The following BEND7 variants were observed in gnomAD, a reference collection of about 807,000 sequenced individuals.
BEND7 encodes BEN domain containing 7.
BEND7 carries 28 observed loss-of-function variants against 50.9 expected under a neutral mutation model. The observed-to-expected ratio is 0.55, with a 90% CI of 0.41 to 0.75. The LOEUF (loss-of-function observed/expected upper bound fraction) is 0.75. Ranked by LOEUF, BEND7 falls within the 30% of genes least tolerant of loss-of-function variation. The pLI is 0.00. For missense variants in BEND7, 477 were observed against 491.3 expected (o/e 0.97, Z 0.28); for synonymous variants, 170 against 183.9 (o/e 0.92, Z 0.61).
chr10:13,505,592 T>C (rs11595580), intron 2 of BEND7, among the ~76,000 whole-genome samples: 1 of 152,320 alleles, frequency 6.6e-6, no homozygotes, highest in South Asian at 2.1e-4. Context: ...ACTGTGCTTG[T>C]GCCATTAAAG....
chr10:13,519,571 A>G (rs1448099953), intron 2 of BEND7, among the ~76,000 whole-genome samples: 1 of 152,248 alleles, frequency 6.6e-6, no homozygotes, highest in Non-Finnish European at 1.5e-5. Context: ...AGTGTTTTCC[A>G]GTTTGAAAAA....
chr10:13,456,306 CGT>C (rs1838962620), intron 6 of BEND7, among the ~76,000 whole-genome samples: 1 of 152,112 alleles, frequency 6.6e-6, no homozygotes, highest in Admixed American at 6.5e-5. Flanking sequence ...GGAGCAACCG[CGT>C]GTGAGGATGC....
At chr10:13,470,715 G>A (rs145706081) in intron 6 of BEND7, among the ~76,000 whole-genome samples, 2 of 152,294 alleles carry the variant, frequency 1.3e-5, no homozygotes, top group East Asian at 1.9e-4. Flanking sequence ...TGGCCCCAAC[G>A]GCAGGGATCC....
intron 2 of BEND7, among the ~76,000 whole-genome samples, chr10:13,502,216 T>A (rs2077523588): frequency 1.3e-5 from 2 of 152,148 alleles, no homozygotes; most frequent in Admixed American, 6.5e-5. Context: ...AATAAGGAAG[T>A]TTATTTTGAA....
downstream of BEND7, among the ~76,000 whole-genome samples, chr10:13,440,622 G>T (rs1437001309): frequency 2.0e-5 from 3 of 152,248 alleles, no homozygotes; most frequent in African/African-American, 7.2e-5. Context: ...CGCGGGAGGC[G>T]GCGGGGGGCA....
chr10:13,448,903 A>T (rs1837050793), intron 7 of BEND7, among the ~76,000 whole-genome samples: 1 of 145,692 alleles, frequency 6.9e-6, no homozygotes, highest in Admixed American at 7.3e-5. Context: ...TGAACCCGGG[A>T]GGCGGAGCTT....
At chr10:13,509,708 G>C (rs1024318683) in intron 2 of BEND7, among the ~76,000 whole-genome samples, 2 of 152,160 alleles carry the variant, frequency 1.3e-5, no homozygotes, top group Non-Finnish European at 2.9e-5. Flanking sequence ...AAAAGAGAAC[G>C]GCACTGAACG....
chr10:13,450,792 G>A (rs1416521622), intron 7 of BEND7, among the ~76,000 whole-genome samples: 1 of 152,130 alleles, frequency 6.6e-6, no homozygotes, highest in Non-Finnish European at 1.5e-5. Context: ...GGGGTGGGGA[G>A]CAGGCTGTGG....
intron 5 of BEND7, among the ~76,000 whole-genome samples, chr10:13,487,938 C>G (rs1240454748): frequency 6.6e-6 from 1 of 151,620 alleles, no homozygotes; most frequent in Non-Finnish European, 1.5e-5. Flanking sequence ...ACTAAAAACA[C>G]AAAAATTAGT....
At chr10:13,523,249 A>G (rs2079199455) in intron 2 of BEND7, among the ~76,000 whole-genome samples, 1 of 152,240 alleles carries the variant, frequency 6.6e-6, no homozygotes, top group Non-Finnish European at 1.5e-5. Flanking sequence ...GAGAAAGTCA[A>G]TGTCCACAGG....
intron 6 of BEND7, 144 bp downstream of exon 6, chr10:13,480,755 C>T: frequency 1.4e-6 from 2 of 1,468,318 alleles, no homozygotes; most frequent in South Asian, 1.5e-5. Context: ...ACAGAGCTCA[C>T]ACCCGAAAGC....
In BEND7 at chr10:13,441,438, G is replaced by T; in HGVS notation, c.*305C>A. 1 of 1,112,514 alleles carries T rather than the reference G, an allele frequency of 9.0e-7. No homozygotes were observed. The highest frequency in any genetic ancestry group is 1.1e-6 in the Non-Finnish European group (1 of 920,214). 68.9% of individuals were successfully genotyped at this position (1,112,514 alleles called of 1,614,324 possible). A position where few individuals can be genotyped will look rare whatever the true frequency, so the allele number is the denominator to read the frequency against. On this transcript the variant is annotated 3_prime_UTR_variant, in exon 9 of 9. Transcript: ENST00000466271. ...ATACGTATTTCCAGTGTGTAGATCC[G>T]TTCATCGCACACATCTTTGGGTTGA... is the stretch of plus-strand genomic sequence containing the variant.
chr10:13,444,645 A>C (rs1835906362), intron 8 of BEND7: 1 of 152,242 alleles, frequency 6.6e-6, no homozygotes, highest in Non-Finnish European at 1.5e-5. Flanking sequence ...AGAAAGGTGG[A>C]GTCCTTAAAG....
intron 2 of BEND7, among the ~76,000 whole-genome samples, chr10:13,508,809 G>GCCTA (rs1435182277): frequency 6.6e-6 from 1 of 152,224 alleles, no homozygotes; most frequent in South Asian, 2.1e-4. Flanking sequence ...GGAGTTTACA[G>GCCTA]CCTAGCACAG....
intron 6 of BEND7, among the ~76,000 whole-genome samples, chr10:13,461,164 T>C (rs1384287416): frequency 6.6e-6 from 1 of 151,950 alleles, no homozygotes; most frequent in East Asian, 1.9e-4. Context: ...AGAAAGAAGG[T>C]GGAGAATGCT....
intron 2 of BEND7, among the ~76,000 whole-genome samples, chr10:13,523,025 A>G (rs1327990184): frequency 1.3e-5 from 2 of 152,204 alleles, no homozygotes; most frequent in Non-Finnish European, 2.9e-5. Flanking sequence ...CGTTTCCTGA[A>G]TTTGTCCTGT....
chr10:13,504,085 G>A (rs2077687202), intron 2 of BEND7, among the ~76,000 whole-genome samples: 1 of 152,182 alleles, frequency 6.6e-6, no homozygotes, highest in Non-Finnish European at 1.5e-5. Context: ...TGGGGCAGAG[G>A]ATCAGAAACG....
At chr10:13,465,992 A>G (rs2074213594) in intron 6 of BEND7, among the ~76,000 whole-genome samples, 1 of 152,164 alleles carries the variant, frequency 6.6e-6, no homozygotes, top group South Asian at 2.1e-4. Context: ...GAAGTGCCAA[A>G]AAGTGCTGAT....
intron 6 of BEND7, among the ~76,000 whole-genome samples, chr10:13,473,980 C>G (rs1416927234): frequency 6.6e-6 from 1 of 151,782 alleles, no homozygotes; most frequent in South Asian, 2.1e-4. Flanking sequence ...TACTTGTCAT[C>G]ACAGTTAGAC....
Sources: gnomAD v4.1 joint callset for allele counts (sites outside exome capture counted in the v4.1 genomes callset) on GRCh38, gnomAD v4.1.1 for gene constraint, MANE v1.5 for transcripts, NCBI Gene and HGNC (gene_info 2026-07-23, HGNC 2026-07-21) for gene names.